B9D2: variants seen among roughly 807,000 people sequenced by gnomAD.
The protein encoded by B9D2 is B9 domain containing 2.
In B9D2, 21 loss-of-function variants were observed where a neutral mutation model predicts 19.2. That is an observed-to-expected ratio of 1.09 (90% CI 0.78 to 1.58). The LOEUF is 1.58. Among genes scored for constraint, B9D2 ranks in the 40% most tolerant of loss-of-function variants. The pLI is 0.00. For missense variants in B9D2, 221 were observed against 244.3 expected (o/e 0.90, Z 0.64); for synonymous variants, 91 against 100.6 (o/e 0.90, Z 0.57).
chr19:41,363,844 C>A, intron 1 of B9D2, 114 bp downstream of exon 1: 1 of 535,466 alleles, frequency 1.9e-6, no homozygotes, highest in African/African-American at 1.9e-5. Flanking sequence ...CCGCCTTCCG[C>A]GTCACGCCAG....
chr19:41,362,976 G>A (rs543996943), intron 2 of B9D2: 15 of 215,168 alleles, frequency 7.0e-5, no homozygotes, highest in South Asian at 3.1e-4. Flanking sequence ...GGGACGTGGC[G>A]GCTCACGTTT....
chr19:41,357,799 G>C (rs2055778157), intron 3 of B9D2, 98 bp downstream of exon 3: 1 of 1,544,702 alleles, frequency 6.5e-7, no homozygotes, highest in African/African-American at 1.4e-5. Flanking sequence ...CGTGGTATGG[G>C]GAGCAGGGAC....
intron 2 of B9D2, 45 bp downstream of exon 2, chr19:41,363,387 G>A (rs766107032): frequency 6.3e-7 from 1 of 1,590,648 alleles, no homozygotes; most frequent in Admixed American, 1.7e-5. Context: ...GTAGCCTCTA[G>A]GCTAGGGGTC....
At position 41,363,461 on chromosome 19, in the gene B9D2, C is replaced by A. The variant is rs770488899; in HGVS notation, c.59G>T (p.Ser20Ile). The A allele has an allele frequency of 6.2e-7, 1 of 1,614,158 alleles. No individual in the cohort carries two copies. The highest frequency in any genetic ancestry group is 8.5e-7 in the Non-Finnish European group (1 of 1,180,042). Reference sequence around the variant, plus strand: ...GTGAATGCCCCACTTGCAGAAGAGGCTACTTTCCGAGAAACCGCTGGCCCC... The same window carrying A: ...GTGAATGCCCCACTTGCAGAAGAGGATACTTTCCGAGAAACCGCTGGCCCC... ...IIGASGFSES[S>I]LFCKWGIHTG... The change falls in exon 2 of 4, where the codon AGC (serine) becomes ATC (isoleucine). Residue 20 changes from serine to isoleucine, a missense_variant. Physicochemically the swap from Ser to Ile is moderately radical, Grantham distance 142. Transcript: ENST00000243578.
At chr19:41,359,831 C>T (rs577189408) in intron 2 of B9D2, among the ~76,000 whole-genome samples, 2 of 152,162 alleles carry the variant, frequency 1.3e-5, no homozygotes, top group Admixed American at 6.5e-5. Context: ...TCCTCACCCC[C>T]CAGTTTACAG....
At chr19:41,357,690 C>T (rs1024496339) in intron 3 of B9D2, among the ~76,000 whole-genome samples, 3 of 150,958 alleles carry the variant, frequency 2.0e-5, no homozygotes, top group Admixed American at 2.0e-4. Context: ...ACCCTGGCCT[C>T]TGCCCTAATC....
chr19:41,359,217 G>A (rs993299353), intron 2 of B9D2, among the ~76,000 whole-genome samples: 2 of 151,726 alleles, frequency 1.3e-5, no homozygotes, highest in African/African-American at 2.4e-5. Context: ...GATCACCTGA[G>A]GTCAGGAGTT....
intron 3 of B9D2, among the ~76,000 whole-genome samples, chr19:41,356,091 G>A (rs754598302): frequency 1.3e-5 from 2 of 152,146 alleles, no homozygotes; most frequent in South Asian, 2.1e-4. Flanking sequence ...CAGCCTGGTT[G>A]TGGAGAGCCT....
chr19:41,357,694 C>T (rs575429315), intron 3 of B9D2, among the ~76,000 whole-genome samples: 67 of 151,642 alleles, frequency 4.4e-4, no homozygotes, highest in African/African-American at 1.6e-3. Context: ...TGGCCTCTGC[C>T]CTAATCATAC....
At chr19:41,363,179 G>A (rs193276418) in intron 2 of B9D2, 34 of 521,632 alleles carry the variant, frequency 6.5e-5, no homozygotes, top group Admixed American at 1.3e-4. Flanking sequence ...CCGAGAGTTC[G>A]AGGCTGCACT....
At position 41,357,916 on chromosome 19, in the gene B9D2, G is replaced by A. The variant is rs34088631; in HGVS notation, c.195C>T (p.Phe65=). 4,231 of 1,614,138 alleles carry A rather than the reference G, an allele frequency of 2.6e-3. 6 individuals are homozygous for A. Among genetic ancestry groups the A allele is most frequent in the Non-Finnish European group, 3.2e-3 (3,809 of 1,180,004 alleles). The change falls in exon 3 of 4, where the codon TTC becomes TTT. Residue 65 remains phenylalanine, a synonymous_variant. Transcript: ENST00000243578. Reference sequence around the variant, plus strand: ...ACCCACCTTGAAGACCTTTGGTGGCGAAGTGCAGGTCGATGGGGTGGGACC... The same window carrying A: ...ACCCACCTTGAAGACCTTTGGTGGCAAAGTGCAGGTCGATGGGGTGGGACC... ...AYWSHPIDLH[F]ATKGLQGWPR...
rs886054459 is a variant in B9D2 at position 41,364,128 on chromosome 19, C to T, written c.-175G>A. 1 of 164,430 alleles carries T rather than the reference C, an allele frequency of 6.1e-6. No individual in the cohort carries two copies. The highest frequency in any genetic ancestry group is 1.3e-4 in the South Asian group (1 of 7,762). The allele number at this position is 164,430 out of a possible 1,614,324, so 10.2% of individuals were successfully genotyped here. On this transcript the variant is annotated 5_prime_UTR_variant, in exon 1 of 4. Transcript: ENST00000243578. ...GCGATACTTCCGCGACCGCGCTCGT[C>T]TTGGTTTCCGTGGTTGTTGCTGGGG...
chr19:41,355,826 AC>A, intron 3 of B9D2, among the ~76,000 whole-genome samples: 1 of 152,338 alleles, frequency 6.6e-6, no homozygotes, highest in South Asian at 2.1e-4. Context: ...GGGTGGGGAT[AC>A]CGCTTTAGCA....
chr19:41,354,644 C>T lies in B9D2; in HGVS notation c.*56G>A, dbSNP rs2038275113. The T allele has an allele frequency of 6.9e-6, 11 of 1,602,078 alleles. No individual in the cohort carries two copies. Among genetic ancestry groups the T allele is most frequent in the Non-Finnish European group, 9.4e-6 (11 of 1,169,984 alleles). On this transcript the variant is annotated 3_prime_UTR_variant, in exon 4 of 4. Coordinates refer to ENST00000243578, the MANE Select transcript of B9D2 (RefSeq NM_030578.4). ...GTGCTCTTGACCACTGTGCCATCCT[C>T]CCCCATCACTGGGTGTCCGGGGTGT... is the stretch of plus-strand genomic sequence containing the variant.
Position 41,357,905 on chromosome 19 carries a change from C to T in B9D2, c.206G>A (p.Gly69Asp). Residue 69 changes from glycine to aspartate, a missense_variant, in exon 3 of 4, where the codon GGT becomes GAT. Gly to Asp is a moderately conservative substitution (Grantham distance 94). Transcript: ENST00000243578. Reference protein sequence around the residue: ...HPIDLHFATKGLQGWPRLHFQ... With the variant: ...HPIDLHFATKDLQGWPRLHFQ... ...CCAGGTGTGATACCCACCTTGAAGA[C>T]CTTTGGTGGCGAAGTGCAGGTCGAT... 6.2e-7 allele frequency: 1 copy of T among 1,614,150 alleles called. No individual in the cohort carries two copies. The highest frequency in any genetic ancestry group is 1.7e-4 in the Middle Eastern group (1 of 6,048).
At chr19:41,363,582 C>CG (rs572348311) in intron 1 of B9D2, 59 bp from the exon 2 acceptor site, 2 of 1,499,680 alleles carry the variant, frequency 1.3e-6, no homozygotes, top group South Asian at 1.1e-5. Flanking sequence ...CTCCATTTGA[C>CG]GGGGGGGAAA....
chr19:41,362,117 C>T (rs1387733475), intron 2 of B9D2, among the ~76,000 whole-genome samples: 3 of 147,976 alleles, frequency 2.0e-5, no homozygotes, highest in African/African-American at 7.5e-5. Flanking sequence ...GGCGCAGTGG[C>T]TCACGCCTGT....
At chr19:41,360,529 G>A (rs1321626446) in intron 2 of B9D2, among the ~76,000 whole-genome samples, 6 of 151,468 alleles carry the variant, frequency 4.0e-5, no homozygotes, top group African/African-American at 1.5e-4. Context: ...TTTTGAGACA[G>A]ACTTTTGCTC....
chr19:41,362,645 T>C (rs1013627586), intron 2 of B9D2, among the ~76,000 whole-genome samples: 1 of 152,190 alleles, frequency 6.6e-6, no homozygotes, highest in Non-Finnish European at 1.5e-5. Context: ...ACTCTCATTG[T>C]ACAAACAAGG....
Sources: gnomAD v4.1 joint callset for allele counts (sites outside exome capture counted in the v4.1 genomes callset) on GRCh38, gnomAD v4.1.1 for gene constraint, MANE v1.5 for transcripts, NCBI Gene and HGNC (gene_info 2026-07-23, HGNC 2026-07-21) for gene names.